KLRG1: variants seen among roughly 807,000 people sequenced by gnomAD.
The protein encoded by KLRG1 is killer cell lectin like receptor G1, also known as killer cell lectin-like receptor subfamily G member 1.
In KLRG1, 16 loss-of-function variants were observed where a neutral mutation model predicts 21.8. The ratio of observed to expected loss-of-function variants is 0.73; its 90% CI spans 0.50 to 1.11. KLRG1 has a LOEUF of 1.11. KLRG1 is among the 50% of genes most tolerant of loss of function. The pLI is 0.00. For synonymous variants in KLRG1, 69 were observed against 75.9 expected (o/e 0.91, Z 0.47); for missense variants, 173 against 218.3 (o/e 0.79, Z 1.31).
At chr12:8,989,069 A>C (rs118085779), upstream of KLRG1, among the ~76,000 whole-genome samples, 2,560 of 152,332 alleles carry the variant, frequency 0.017, 35 homozygotes, top group Non-Finnish European at 0.026. Context: ...CCATCACACA[A>C]TTTGGACAAG....
At chr12:9,035,777 G>T in the KLRG1 span, among the ~76,000 whole-genome samples, 1 of 152,088 alleles carries the variant, frequency 6.6e-6, no homozygotes, top group African/African-American at 2.4e-5. Flanking sequence ...ACTGGATAAA[G>T]AAAATGTGGT....
At chr12:9,059,503 TG>T in the KLRG1 span, among the ~76,000 whole-genome samples, 1 of 152,332 alleles carries the variant, frequency 6.6e-6, no homozygotes, top group African/African-American at 2.4e-5. Context: ...ATTTTCACTG[TG>T]GGTTTCAATG....
chr12:9,181,292 G>T, the KLRG1 span, among the ~76,000 whole-genome samples: 1 of 152,212 alleles, frequency 6.6e-6, no homozygotes, highest in African/African-American at 2.4e-5. Context: ...TTTAAAAATA[G>T]AAAATAATTT....
the KLRG1 span, among the ~76,000 whole-genome samples, chr12:9,161,704 G>T: frequency 2.0e-5 from 3 of 152,238 alleles, no homozygotes; most frequent in South Asian, 6.2e-4. Flanking sequence ...CCTTAAATTA[G>T]TCCTTCTCAA....
At chr12:9,142,981 A>C in the KLRG1 span, among the ~76,000 whole-genome samples, 3 of 152,256 alleles carry the variant, frequency 2.0e-5, no homozygotes, top group Non-Finnish European at 1.5e-5. Context: ...AAAGTAATTC[A>C]GTTGACTGGG....
At chr12:9,022,836 G>A in the KLRG1 span, among the ~76,000 whole-genome samples, 1 of 152,150 alleles carries the variant, frequency 6.6e-6, no homozygotes, top group South Asian at 2.1e-4. Flanking sequence ...ATGTAATGAA[G>A]CTTCCATAAA....
At chr12:9,069,664 A>G in the KLRG1 span, 13 of 1,035,520 alleles carry the variant, frequency 1.3e-5, no homozygotes, top group Admixed American at 2.2e-5. Flanking sequence ...TGATGTTTCT[A>G]AAATGCATTT....
At chr12:9,160,671 T>G in the KLRG1 span, among the ~76,000 whole-genome samples, 4 of 152,014 alleles carry the variant, frequency 2.6e-5, no homozygotes, top group African/African-American at 9.7e-5. Flanking sequence ...TCCCAGCACT[T>G]TGGGAGGCCG....
At chr12:9,154,393 G>A in the KLRG1 span, among the ~76,000 whole-genome samples, 9 of 152,200 alleles carry the variant, frequency 5.9e-5, no homozygotes, top group Admixed American at 3.9e-4. Flanking sequence ...AAAGATGCTC[G>A]TTGTACGTCT....
rs1441229304 is a variant in KLRG1 at position 8,977,435 on chromosome 12, C to T, written c.-155-14771C>T. ...TTCACCATGTTAGCCAGGATGGTCT[C>T]GATCTCCTGACCTTGTGATCTGCCC... On this transcript the variant is annotated intron_variant, in intron 1 of 4. Transcript: ENST00000539240. Among the ~76,000 whole-genome samples the T allele has an allele frequency of 7.0e-5, 10 of 143,882 alleles. 1 individual carries two copies. Among genetic ancestry groups the T allele is most frequent in the South Asian group, 6.6e-4 (3 of 4,526 alleles). 94.4% of individuals were successfully genotyped at this position (143,882 alleles called of 152,430 possible). A position where few individuals can be genotyped will look rare whatever the true frequency, so the allele number is the denominator to read the frequency against.
At chr12:9,192,544 C>G in the KLRG1 span, 3 of 1,614,146 alleles carry the variant, frequency 1.9e-6, no homozygotes. Context: ...GATAACTCTC[C>G]CATGGCCTGT....
chr12:9,120,222 A>G, the KLRG1 span, among the ~76,000 whole-genome samples: 1 of 152,214 alleles, frequency 6.6e-6, no homozygotes, highest in Non-Finnish European at 1.5e-5. Flanking sequence ...GTTTCCAGGA[A>G]AAATCACCAA....
the KLRG1 span, among the ~76,000 whole-genome samples, chr12:9,086,625 T>C: frequency 2.0e-4 from 30 of 152,198 alleles, no homozygotes; most frequent in Non-Finnish European, 3.7e-4. Flanking sequence ...AAATTAGATA[T>C]ACAAGCAATG....
At chr12:9,102,452 G>A in the KLRG1 span, among the ~76,000 whole-genome samples, 1 of 152,100 alleles carries the variant, frequency 6.6e-6, no homozygotes, top group Non-Finnish European at 1.5e-5. Context: ...CTGGCCTCAC[G>A]CAATCCACCC....
the KLRG1 span, chr12:9,128,094 T>C: frequency 5.0e-6 from 1 of 198,278 alleles, no homozygotes; most frequent in Non-Finnish European, 1.1e-5. Flanking sequence ...AGGGCTGACC[T>C]GAAGACGCAC....
chr12:9,040,932 C>G, the KLRG1 span, among the ~76,000 whole-genome samples: 1 of 152,228 alleles, frequency 6.6e-6, no homozygotes, highest in Non-Finnish European at 1.5e-5. Flanking sequence ...GAGGGAAAGG[C>G]AAGTGAATCA....
At chr12:9,103,721 T>C in the KLRG1 span, among the ~76,000 whole-genome samples, 1 of 152,224 alleles carries the variant, frequency 6.6e-6, no homozygotes, top group Non-Finnish European at 1.5e-5. Context: ...GGATCATTCA[T>C]GCTGTAGCAT....
At chr12:9,171,764 A>G in the KLRG1 span, among the ~76,000 whole-genome samples, 1 of 152,348 alleles carries the variant, frequency 6.6e-6, no homozygotes, top group South Asian at 2.1e-4. Context: ...TATCTATCTG[A>G]AATAAGACAG....
At chr12:8,959,360 G>T (rs1296930383) in intron 1 of KLRG1, among the ~76,000 whole-genome samples, 3 of 152,116 alleles carry the variant, frequency 2.0e-5, no homozygotes, top group Non-Finnish European at 4.4e-5. Flanking sequence ...AGCATTTCAG[G>T]AGACCAAGAG....
Sources: allele counts gnomAD v4.1 joint callset (sites outside exome capture counted in the v4.1 genomes callset), GRCh38; gene constraint gnomAD v4.1.1; transcripts MANE v1.5; gene names NCBI Gene and HGNC (gene_info 2026-07-23, HGNC 2026-07-21).